Variants in PTPRD observed in about 807,000 individuals in gnomAD.
PTPRD encodes protein tyrosine phosphatase receptor type D, also known as receptor-type tyrosine-protein phosphatase delta.
A neutral mutation model predicts 214.5 loss-of-function variants in PTPRD; 34 were observed. The ratio of observed to expected loss-of-function variants is 0.16; its 90% CI spans 0.12 to 0.21. PTPRD has a LOEUF of 0.21. Among genes scored for constraint, PTPRD ranks in the 10% least tolerant of loss-of-function variants. PTPRD has a pLI of 1.00. For synonymous variants in PTPRD, 1,128 were observed against 845.7 expected, an observed-to-expected ratio of 1.33 and a Z score of -5.79; for missense variants, 2,545 against 2,398.7, an observed-to-expected ratio of 1.06 and a Z score of -1.27.
chr9:9,732,157 G>T (rs572863226), intron 7 of PTPRD, among the ~76,000 whole-genome samples: 1 of 152,234 alleles, frequency 6.6e-6, no homozygotes, highest in African/African-American at 2.4e-5. Flanking sequence ...GCTGGTCACA[G>T]AAGCAGAAAT....
intron 10 of PTPRD, among the ~76,000 whole-genome samples, chr9:9,037,924 G>C (rs1172159679): frequency 6.6e-6 from 1 of 152,180 alleles, no homozygotes; most frequent in Non-Finnish European, 1.5e-5. Flanking sequence ...CATCTGGTTT[G>C]AGCCATGCAA....
At chr9:10,424,823 T>A (rs1411584836) in intron 2 of PTPRD, among the ~76,000 whole-genome samples, 2 of 152,018 alleles carry the variant, frequency 1.3e-5, no homozygotes, top group Non-Finnish European at 2.9e-5. Context: ...GAGATACTAC[T>A]ATTTTTGCAG....
intron 5 of PTPRD, among the ~76,000 whole-genome samples, chr9:9,905,281 A>C (rs988029362): frequency 6.6e-6 from 1 of 151,990 alleles, no homozygotes; most frequent in African/African-American, 2.4e-5. Flanking sequence ...GATTATTGAA[A>C]GTCAGGGTTC....
intron 9 of PTPRD, among the ~76,000 whole-genome samples, chr9:9,191,285 T>A (rs1005753153): frequency 6.6e-6 from 1 of 152,078 alleles, no homozygotes. Context: ...TCAACAATCC[T>A]GTGAATGAGA....
At chr9:9,168,776 C>A (rs2130866031) in intron 10 of PTPRD, among the ~76,000 whole-genome samples, 1 of 152,052 alleles carries the variant, frequency 6.6e-6, no homozygotes, top group South Asian at 2.1e-4. Context: ...GCTTTATTTT[C>A]TGAGAGGAAG....
At chr9:8,733,261 T>C (rs2098679707) in intron 12 of PTPRD, among the ~76,000 whole-genome samples, 1 of 152,092 alleles carries the variant, frequency 6.6e-6, no homozygotes, top group African/African-American at 2.4e-5. Context: ...TTGTCAGTTC[T>C]GCTTGATTTG....
chr9:8,947,063 C>T (rs1461631843), intron 11 of PTPRD, among the ~76,000 whole-genome samples: 1 of 139,096 alleles, frequency 7.2e-6, no homozygotes, highest in African/African-American at 2.7e-5. Flanking sequence ...CTCGATCTTC[C>T]TCCGGTTTTA....
intron 8 of PTPRD, among the ~76,000 whole-genome samples, chr9:9,560,002 C>T (rs191419905): frequency 1.8e-4 from 27 of 152,284 alleles, no homozygotes; most frequent in Admixed American, 1.2e-3. Flanking sequence ...CATGTGGCTC[C>T]GGTTGTCCGG....
At chr9:10,379,247 T>TG (rs1565653251) in intron 2 of PTPRD, among the ~76,000 whole-genome samples, 102 of 151,788 alleles carry the variant, frequency 6.7e-4, no homozygotes, top group African/African-American at 2.3e-3. Flanking sequence ...AATAGTTTTT[T>TG]TTGTGTGTGT....
chr9:9,688,107 A>C (rs1302692875), intron 7 of PTPRD, among the ~76,000 whole-genome samples: 3 of 151,810 alleles, frequency 2.0e-5, no homozygotes, highest in African/African-American at 7.2e-5. Flanking sequence ...CCACGACTGT[A>C]AGTTTCCTGA....
chr9:10,606,272 T>C (rs1350821447), intron 2 of PTPRD, among the ~76,000 whole-genome samples: 5 of 151,838 alleles, frequency 3.3e-5, no homozygotes, highest in Admixed American at 3.3e-4. Context: ...GGGTGAAGAA[T>C]AAGAAATGAA....
chr9:10,343,291 T>G (rs1302967423), intron 2 of PTPRD, among the ~76,000 whole-genome samples: 1 of 152,128 alleles, frequency 6.6e-6, no homozygotes, highest in Non-Finnish European at 1.5e-5. Context: ...TCCATGTCCC[T>G]GCAAAGGACA....
intron 12 of PTPRD, among the ~76,000 whole-genome samples, chr9:8,648,305 C>T (rs1490351377): frequency 6.6e-6 from 1 of 152,160 alleles, no homozygotes; most frequent in Non-Finnish European, 1.5e-5. Context: ...CACCTACATT[C>T]TGTGTGCCCG....
chr9:10,125,513 G>A (rs1028105376), intron 3 of PTPRD, among the ~76,000 whole-genome samples: 1 of 148,564 alleles, frequency 6.7e-6, no homozygotes, highest in African/African-American at 2.5e-5. Flanking sequence ...GTAGTGCAGT[G>A]GCGCAATCTC....
intron 10 of PTPRD, among the ~76,000 whole-genome samples, chr9:9,143,324 G>C (rs888379385): frequency 1.3e-5 from 2 of 152,138 alleles, no homozygotes; most frequent in African/African-American, 4.8e-5. Flanking sequence ...TCAGTCAGTG[G>C]TTAGAATTCA....
rs1370535008 is a variant in PTPRD, at chr9:9,879,718, A to T, written c.-368+58789T>A. Among the ~76,000 whole-genome samples, 3 of 152,148 alleles carry T rather than the reference A, an allele frequency of 2.0e-5. No homozygotes were observed. In the East Asian group the frequency reaches 5.8e-4, roughly 29 times the overall value. On this transcript the variant is annotated intron_variant, in intron 5 of 45. Transcript: ENST00000381196. ...AGAAGCCTCAAGATCAAGAGGTGAGATGTCTCTGAGATAAGATCAGATCAT... is the reference window on the plus strand; with the variant it reads ...AGAAGCCTCAAGATCAAGAGGTGAGTTGTCTCTGAGATAAGATCAGATCAT...
intron 37 of PTPRD, among the ~76,000 whole-genome samples, chr9:8,379,785 G>A (rs564251630): frequency 2.0e-5 from 3 of 152,254 alleles, no homozygotes; most frequent in Admixed American, 6.5e-5. Flanking sequence ...TACTGAATAC[G>A]AATACGGTTT....
At chr9:9,043,198 C>A (rs1392518182) in intron 10 of PTPRD, among the ~76,000 whole-genome samples, 1 of 152,156 alleles carries the variant, frequency 6.6e-6, no homozygotes, top group Non-Finnish European at 1.5e-5. Context: ...CAGAGGAAAG[C>A]TCTGGCATCA....
chr9:8,758,313 G>A (rs562509425), intron 11 of PTPRD, among the ~76,000 whole-genome samples: 1 of 152,282 alleles, frequency 6.6e-6, no homozygotes, highest in East Asian at 1.9e-4. Flanking sequence ...TAGATGCATA[G>A]GAAAGAAGTT....
Sources: gnomAD v4.1 joint callset for allele counts (sites outside exome capture counted in the v4.1 genomes callset) on GRCh38, gnomAD v4.1.1 for gene constraint, MANE v1.5 for transcripts, NCBI Gene and HGNC (gene_info 2026-07-23, HGNC 2026-07-21) for gene names.